The following CCDC92B variants were observed in gnomAD, a reference collection of about 807,000 sequenced individuals.
CCDC92B encodes the protein coiled-coil domain containing 92B, also known as coiled-coil domain-containing 92B.
In CCDC92B, 2 loss-of-function variants were observed where a neutral mutation model predicts 5.6. That is an observed-to-expected ratio of 0.36 (90% CI 0.15 to 1.12). The LOEUF is 1.12. CCDC92B is among the 50% of genes most tolerant of loss of function. The pLI, the probability that CCDC92B is intolerant of heterozygous loss-of-function variation, is 0.40. For missense variants in CCDC92B, 271 were observed against 262.2 expected (o/e 1.03, Z -0.23); for synonymous variants, 115 against 122.3 (o/e 0.94, Z 0.39).
chr17:2,738,430 G>A (rs957122545), intron 1 of CCDC92B, among the ~76,000 whole-genome samples: 3 of 152,026 alleles, frequency 2.0e-5, no homozygotes, highest in South Asian at 4.1e-4. Context: ...AGATGGGGCT[G>A]CAAATCCTAC....
intron 3 of CCDC92B, among the ~76,000 whole-genome samples, chr17:2,725,316 G>T (rs2070715328): frequency 6.6e-6 from 1 of 152,000 alleles, no homozygotes; most frequent in South Asian, 2.1e-4. Context: ...CGGGGAGGCG[G>T]AGGTTGCAGT....
chr17:2,739,183 T>A (rs376159471), intron 1 of CCDC92B, among the ~76,000 whole-genome samples: 1 of 143,990 alleles, frequency 6.9e-6, no homozygotes, highest in Admixed American at 7.0e-5. Flanking sequence ...CTGGCTAACA[T>A]GGTAGAACCC....
chr17:2,749,196 C>T (rs1211970342), intron 1 of CCDC92B, among the ~76,000 whole-genome samples: 1 of 152,114 alleles, frequency 6.6e-6, no homozygotes, highest in Non-Finnish European at 1.5e-5. Context: ...CCTCGGGCCG[C>T]TCTGGACGCC....
Position 2,725,016 on chromosome 17 carries a change from G to A in CCDC92B, c.179-16C>T. On this transcript the variant is annotated splice_polypyrimidine_tract_variant and intron_variant, in intron 3 of 3. Transcript: ENST00000614400. The stretch of plus-strand genomic sequence containing the variant: ...GACGCCGCCTCTGGAACGGGGCAGA[G>A]GCCAGAGGTGACGGTCTCCCCCTGG... 1 of 985,352 alleles carries A rather than the reference G, an allele frequency of 1.0e-6. No homozygotes were observed. The highest frequency in any genetic ancestry group is 4.7e-5 in the South Asian group (1 of 21,286). 61.0% of individuals were successfully genotyped at this position (985,352 alleles called of 1,614,324 possible).
intron 1 of CCDC92B, among the ~76,000 whole-genome samples, chr17:2,745,090 A>AAAAT (rs72203225): frequency 2.1e-5 from 3 of 143,000 alleles, no homozygotes; most frequent in Non-Finnish European, 3.0e-5. Context: ...AAAAAAAAAA[A>AAAAT]GATAAAATAA....
chr17:2,730,911 T>C (rs2151739300), intron 2 of CCDC92B, among the ~76,000 whole-genome samples: 1 of 152,346 alleles, frequency 6.6e-6, no homozygotes, highest in Non-Finnish European at 1.5e-5. Flanking sequence ...CTTTCGTGTT[T>C]AGCTGATGGC....
chr17:2,724,610 T>TC lies in CCDC92B; in HGVS notation c.568dup (p.Asp190GlyfsTer166). On this transcript the variant is annotated frameshift_variant, in exon 4 of 4. Coordinates refer to ENST00000614400, the MANE Select transcript of CCDC92B (RefSeq NM_001355573.2). LOFTEE classifies it low-confidence loss of function (END_TRUNC). The surrounding 1 kb of genome is among the most constrained non-coding windows in gnomAD (Gnocchi z 5.0). ...GGCCCCGCGGTCCCAGGCGGCCCAG[T>TC]CCCGGCCGGGGCCCTTGGCGGCGGC... is the stretch of plus-strand genomic sequence containing the variant. 1 of 981,558 alleles carries TC rather than the reference T, an allele frequency of 1.0e-6. No homozygotes were observed. Among genetic ancestry groups the TC allele is most frequent in the Non-Finnish European group, 1.2e-6 (1 of 828,292 alleles). 60.8% of individuals were successfully genotyped at this position (981,558 alleles called of 1,614,324 possible). A position where few individuals can be genotyped will look rare whatever the true frequency, so the allele number is the denominator to read the frequency against.
intron 3 of CCDC92B, among the ~76,000 whole-genome samples, chr17:2,728,394 T>C (rs974540434): frequency 6.6e-6 from 1 of 150,656 alleles, no homozygotes; most frequent in Non-Finnish European, 1.5e-5. Flanking sequence ...GATCACGAGG[T>C]CAGGAGATCT....
chr17:2,726,721 C>T (rs1366910692), intron 3 of CCDC92B, among the ~76,000 whole-genome samples: 2 of 152,056 alleles, frequency 1.3e-5, no homozygotes, highest in Non-Finnish European at 2.9e-5. Flanking sequence ...TCAAGCGATT[C>T]TCCTGCCTCA....
chr17:2,724,431 C>T lies in CCDC92B; in HGVS notation c.748G>A (p.Ala250Thr), dbSNP rs2070699157. Residue 250 changes from alanine (A) to threonine (T), a missense_variant, in exon 4 of 4, where the codon GCG (alanine) becomes ACG (threonine). Transcript: ENST00000614400. This position sits in a 1 kb window ranked among gnomAD's most constrained non-coding sequence, Gnocchi z 5.0. ...GPQPAPSQPS[A>T]PGDPE is the part of the protein sequence containing the mutation. The stretch of plus-strand genomic sequence containing the variant: ...GGCGCCTACTCCGGGTCCCCGGGCG[C>T]GCTGGGCTGGCTGGGCGCGGGCTGC... The T allele has an allele frequency of 2.0e-6, 2 of 984,522 alleles. No homozygotes were observed. The highest frequency in any genetic ancestry group is 1.2e-4 in the Admixed American group (2 of 16,180). The allele number at this position is 984,522 out of a possible 1,614,324, so 61.0% of individuals were successfully genotyped here. A position where few individuals can be genotyped will look rare whatever the true frequency, so the allele number is the denominator to read the frequency against.
chr17:2,733,413 C>T (rs1178404612), intron 2 of CCDC92B, among the ~76,000 whole-genome samples: 1 of 152,004 alleles, frequency 6.6e-6, no homozygotes, highest in Non-Finnish European at 1.5e-5. Context: ...GCATGTGCCA[C>T]CACGTCCGGC....
Position 2,724,061 on chromosome 17 carries a change from C to A in CCDC92B, c.*350G>T, listed in dbSNP as rs1357233744. 1 of 985,186 alleles carries A rather than the reference C, an allele frequency of 1.0e-6. No individual in the cohort carries two copies. Among genetic ancestry groups the A allele is most frequent in the Non-Finnish European group, 1.2e-6 (1 of 829,872 alleles). 61.0% of individuals were successfully genotyped at this position (985,186 alleles called of 1,614,324 possible). A position where few individuals can be genotyped will look rare whatever the true frequency, so the allele number is the denominator to read the frequency against. On this transcript the variant is annotated 3_prime_UTR_variant, in exon 4 of 4. Transcript: ENST00000614400. The surrounding 1 kb of genome is among the most constrained non-coding windows in gnomAD (Gnocchi z 5.0). ...TAGGCGAGCCCAGCCCTCCCCACCC[C>A]ACCAAGGATTGTCGGCTTTCCCGGG...
chr17:2,741,291 G>A (rs1322173344), intron 1 of CCDC92B, among the ~76,000 whole-genome samples: 1 of 152,076 alleles, frequency 6.6e-6, no homozygotes, highest in Non-Finnish European at 1.5e-5. Flanking sequence ...CATTGCCGCT[G>A]CTAGTAAGGG....
Position 2,720,904 on chromosome 17 carries a change from T to C in CCDC92B, c.*3507A>G, listed in dbSNP as rs1186809042. ...TGAATACACTCTGAAAAGCATTGGA[T>C]ACAAAAGCGCAGCCAACAGAGAATT... On this transcript the variant is annotated 3_prime_UTR_variant, in exon 4 of 4. Coordinates refer to ENST00000614400, the MANE Select transcript of CCDC92B (RefSeq NM_001355573.2). The C allele has an allele frequency of 6.6e-6, 1 of 152,230 alleles. No homozygotes were observed. Among genetic ancestry groups the C allele is most frequent in the Non-Finnish European group, 1.5e-5 (1 of 68,058 alleles). 9.4% of individuals were successfully genotyped at this position (152,230 alleles called of 1,614,324 possible).
chr17:2,730,568 A>G (rs74572250), intron 2 of CCDC92B, 75 bp from the exon 3 acceptor site: 2 of 269,682 alleles, frequency 7.4e-6, no homozygotes, highest in Non-Finnish European at 9.8e-6. Flanking sequence ...TGTGTGAGAG[A>G]GAGAGAGAGA....
rs771027087 is a variant in CCDC92B, at chr17:2,724,991, G to A, written c.188C>T (p.Ser63Phe). The A allele has an allele frequency of 1.1e-4, 113 of 985,294 alleles. No homozygotes were observed. Among genetic ancestry groups the A allele is most frequent in the Non-Finnish European group, 1.3e-4 (112 of 829,970 alleles). 61.0% of individuals were successfully genotyped at this position (985,294 alleles called of 1,614,324 possible). ...EAQSHQQEAASRELESKCRAL... is the reference protein window; with the variant it reads ...EAQSHQQEAAFRELESKCRAL... ...GCGGCACTTGCTCTCCAGCTCCCGGGACGCCGCCTCTGGAACGGGGCAGAG... is the reference window on the plus strand; with the variant it reads ...GCGGCACTTGCTCTCCAGCTCCCGGAACGCCGCCTCTGGAACGGGGCAGAG... The change falls in exon 4 of 4, where the codon TCC becomes TTC. Residue 63 changes from serine (S) to phenylalanine (F), a missense_variant. Ser to Phe is a radical substitution (Grantham distance 155, BLOSUM62 -2). Transcript: ENST00000614400. The surrounding 1 kb of genome is among the most constrained non-coding windows in gnomAD (Gnocchi z 5.0).
chr17:2,733,031 A>AAAATAAAT (rs35413178), intron 2 of CCDC92B, among the ~76,000 whole-genome samples: 2 of 144,192 alleles, frequency 1.4e-5, no homozygotes, highest in African/African-American at 5.0e-5. Flanking sequence ...TAAATAAATA[A>AAAATAAAT]AAATAAATAA....
chr17:2,742,219 G>A (rs763795049), intron 1 of CCDC92B, among the ~76,000 whole-genome samples: 16 of 151,946 alleles, frequency 1.1e-4, no homozygotes, highest in Non-Finnish European at 1.5e-4. Context: ...CCACAGGCTC[G>A]TGCCCCCGTG....
intron 2 of CCDC92B, among the ~76,000 whole-genome samples, chr17:2,733,745 T>A (rs1177257418): frequency 1.2e-4 from 1 of 8,346 alleles, no homozygotes; most frequent in Admixed American, 1.3e-3. Context: ...GACCACTGGC[T>A]TTTTTTTTTT....
Sources: allele counts gnomAD v4.1 joint callset (sites outside exome capture counted in the v4.1 genomes callset), GRCh38; gene constraint gnomAD v4.1.1; non-coding constraint Gnocchi (gnomAD v3.1); transcripts MANE v1.5; gene names NCBI Gene and HGNC (gene_info 2026-07-23, HGNC 2026-07-21).